DCT: variants seen among roughly 807,000 people sequenced by gnomAD.
DCT encodes dopachrome tautomerase, also known as L-dopachrome tautomerase.
DCT carries 47 observed loss-of-function variants against 53.0 expected under a neutral mutation model. The ratio of observed to expected loss-of-function variants is 0.89; its 90% CI spans 0.70 to 1.13. DCT has a LOEUF of 1.13. DCT is among the 50% of genes most tolerant of loss of function. DCT has a pLI of 0.00. For missense variants in DCT, 669 were observed against 637.4 expected (o/e 1.05, Z -0.53); for synonymous variants, 244 against 237.0 (o/e 1.03, Z -0.27).
the DCT span, among the ~76,000 whole-genome samples, chr13:94,486,913 C>T: frequency 6.6e-6 from 1 of 152,200 alleles, no homozygotes. Flanking sequence ...CAAACACACA[C>T]ACACACATTT....
the DCT span, among the ~76,000 whole-genome samples, chr13:94,544,939 CA>C: frequency 2.0e-5 from 3 of 151,964 alleles, no homozygotes; most frequent in Non-Finnish European, 2.9e-5. Context: ...AGCTCGGTCT[CA>C]AAAAAACAAC....
the DCT span, among the ~76,000 whole-genome samples, chr13:94,527,371 C>T: frequency 6.6e-6 from 1 of 152,172 alleles, no homozygotes; most frequent in Non-Finnish European, 1.5e-5. Context: ...GGAAACATCT[C>T]CCAGTAGGGG....
intron 1 of DCT, 48 bp downstream of exon 1, chr13:94,478,913 T>C (rs1414557676): frequency 1.3e-6 from 2 of 1,529,628 alleles, no homozygotes; most frequent in Admixed American, 1.9e-5. Context: ...GAAGGAGCTC[T>C]TTCCCCAGCT....
At chr13:94,501,094 A>G in the DCT span, among the ~76,000 whole-genome samples, 5 of 151,974 alleles carry the variant, frequency 3.3e-5, no homozygotes, top group Non-Finnish European at 7.4e-5. Flanking sequence ...GTGAAACCCC[A>G]TCTCTACTAA....
the DCT span, among the ~76,000 whole-genome samples, chr13:94,539,824 A>C: frequency 2.0e-5 from 3 of 152,172 alleles, no homozygotes; most frequent in Non-Finnish European, 4.4e-5. Flanking sequence ...AAAAGGGAGA[A>C]AGGAAAAGTA....
intron 1 of DCT, among the ~76,000 whole-genome samples, chr13:94,473,775 G>GGC (rs762304158): frequency 0.23 from 35,160 of 152,110 alleles, 4,375 homozygotes; most frequent in Non-Finnish European, 0.28. Flanking sequence ...ATGGGAAGTG[G>GGC]GGGGGTAAAG....
chr13:94,518,443 A>G, the DCT span, among the ~76,000 whole-genome samples: 1 of 152,218 alleles, frequency 6.6e-6, no homozygotes, highest in African/African-American at 2.4e-5. Flanking sequence ...ACTTACATCT[A>G]CATGTTCCAC....
chr13:94,533,282 T>C, the DCT span, among the ~76,000 whole-genome samples: 1 of 152,004 alleles, frequency 6.6e-6, no homozygotes, highest in African/African-American at 2.4e-5. Flanking sequence ...CCATCATTTC[T>C]CAAAGGTGTA....
chr13:94,520,774 G>A, the DCT span, among the ~76,000 whole-genome samples: 1 of 152,178 alleles, frequency 6.6e-6, no homozygotes, highest in Admixed American at 6.5e-5. Context: ...CATATGCTGG[G>A]CAGTAGTAAA....
At chr13:94,489,674 A>G in the DCT span, among the ~76,000 whole-genome samples, 1 of 152,122 alleles carries the variant, frequency 6.6e-6, no homozygotes, top group Non-Finnish European at 1.5e-5. Context: ...CTCTATTTCA[A>G]TGGACAGCCA....
the DCT span, among the ~76,000 whole-genome samples, chr13:94,528,229 A>G: frequency 6.6e-6 from 1 of 152,222 alleles, no homozygotes; most frequent in Non-Finnish European, 1.5e-5. Context: ...GATATTATCC[A>G]GGAGAACTTC....
chr13:94,466,871 T>G (rs1884259067), intron 2 of DCT: 1 of 312,168 alleles, frequency 3.2e-6, no homozygotes, highest in South Asian at 9.5e-5. Flanking sequence ...CTCCTTTATC[T>G]CTTAAAAGGT....
At chr13:94,440,684 T>TG (rs2139267412) in intron 7 of DCT, among the ~76,000 whole-genome samples, 1 of 145,088 alleles carries the variant, frequency 6.9e-6, no homozygotes, top group African/African-American at 2.6e-5. Flanking sequence ...TGGTTTTTTT[T>TG]TTTTTTTTTT....
In DCT at chr13:94,456,403, G is replaced by A. The variant is rs903646049; in HGVS notation, c.1179+3688C>T. On this transcript the variant is annotated intron_variant, in intron 6 of 7. Transcript: ENST00000377028. ...CTCCCTCTTCATAGCTCCTTTTTTT[G>A]TACCCTGGGTTGAGTAACAATAATA... 5.3e-5 allele frequency among the ~76,000 whole-genome samples: 8 copies of A among 151,858 alleles called. No homozygotes were observed. The South Asian group carries it at 1.7e-3, about 32-fold the overall frequency.
At chr13:94,501,927 G>A in the DCT span, among the ~76,000 whole-genome samples, 5 of 152,164 alleles carry the variant, frequency 3.3e-5, no homozygotes, top group Non-Finnish European at 5.9e-5. Context: ...AGGTATTATT[G>A]TCTCCCTCAC....
chr13:94,477,760 T>C (rs1885190870), intron 1 of DCT, among the ~76,000 whole-genome samples: 1 of 152,202 alleles, frequency 6.6e-6, no homozygotes, highest in Admixed American at 6.5e-5. Flanking sequence ...CAATGACCTA[T>C]ATCCTCCTAT....
chr13:94,493,160 T>A, the DCT span, among the ~76,000 whole-genome samples: 1 of 152,170 alleles, frequency 6.6e-6, no homozygotes, highest in Non-Finnish European at 1.5e-5. Flanking sequence ...TAATATACTC[T>A]ATAAGATGGT....
chr13:94,546,999 A>C, the DCT span, among the ~76,000 whole-genome samples: 818 of 152,198 alleles, frequency 5.4e-3, 13 homozygotes, highest in African/African-American at 0.018. This position sits in a 1 kb window ranked among gnomAD's most constrained non-coding sequence, Gnocchi z 4.2. Context: ...AAGGGATGCA[A>C]GACCCCAGAA....
At chr13:94,507,223 T>C in the DCT span, among the ~76,000 whole-genome samples, 2 of 152,222 alleles carry the variant, frequency 1.3e-5, no homozygotes, top group Non-Finnish European at 2.9e-5. Flanking sequence ...CTACCTTTGA[T>C]AATTATACTA....
Sources: allele counts gnomAD v4.1 joint callset (sites outside exome capture counted in the v4.1 genomes callset), GRCh38; gene constraint gnomAD v4.1.1; non-coding constraint Gnocchi (gnomAD v3.1); transcripts MANE v1.5; gene names NCBI Gene and HGNC (gene_info 2026-07-23, HGNC 2026-07-21).